NXPE2: variants seen among roughly 807,000 people sequenced by gnomAD.
The protein encoded by NXPE2 is neurexophilin and PC-esterase domain family member 2, also known as NXPE family member 2.
NXPE2 carries 34 observed loss-of-function variants against 34.4 expected under a neutral mutation model. That is an observed-to-expected ratio of 0.99 (90% CI 0.75 to 1.31). The LOEUF (loss-of-function observed/expected upper bound fraction) is 1.31, where lower values mean the gene tolerates loss of function less well. NXPE2 is among the 40% of genes most tolerant of loss of function. The pLI is 0.00. For synonymous variants in NXPE2, 235 were observed against 231.3 expected, an observed-to-expected ratio of 1.02 and a Z score of -0.15; for missense variants, 649 against 672.5, an observed-to-expected ratio of 0.97 and a Z score of 0.39.
chr11:114,682,935 C>T (rs1950974244), intron 2 of NXPE2, among the ~76,000 whole-genome samples: 1 of 151,096 alleles, frequency 6.6e-6, no homozygotes, highest in African/African-American at 2.4e-5. Context: ...AAAACCAAAA[C>T]CCGTGAGATG....
the NXPE2 span, among the ~76,000 whole-genome samples, chr11:114,633,220 A>G: frequency 1.5e-5 from 2 of 132,586 alleles, no homozygotes; most frequent in Admixed American, 1.6e-4. Flanking sequence ...ATTACATTAT[A>G]TATATAAATA....
At chr11:114,475,464 G>A in the NXPE2 span, among the ~76,000 whole-genome samples, 19,990 of 151,722 alleles carry the variant, frequency 0.13, 1,856 homozygotes, top group African/African-American at 0.25. Flanking sequence ...GGCTGGTCTC[G>A]AACTCCTGAC....
chr11:114,555,661 G>A, the NXPE2 span, among the ~76,000 whole-genome samples: 4 of 152,146 alleles, frequency 2.6e-5, no homozygotes, highest in African/African-American at 9.7e-5. Flanking sequence ...TCCTCCTCCT[G>A]TGCATGCCCC....
At chr11:114,803,081 C>G in the NXPE2 span, among the ~76,000 whole-genome samples, 1 of 152,212 alleles carries the variant, frequency 6.6e-6, no homozygotes, top group Non-Finnish European at 1.5e-5. Flanking sequence ...ACTCAGCGCT[C>G]TCCTGCCTGC....
the NXPE2 span, among the ~76,000 whole-genome samples, chr11:114,553,076 A>G: frequency 6.6e-6 from 1 of 152,048 alleles, no homozygotes; most frequent in African/African-American, 2.4e-5. Context: ...CTCAATCTCC[A>G]CCATGCTTCC....
chr11:114,547,407 A>G, the NXPE2 span, among the ~76,000 whole-genome samples: 1 of 152,256 alleles, frequency 6.6e-6, no homozygotes, highest in African/African-American at 2.4e-5. Context: ...CAATGTCATC[A>G]AAAACAAGGA....
the NXPE2 span, among the ~76,000 whole-genome samples, chr11:114,471,896 A>AC: frequency 1.3e-5 from 2 of 151,818 alleles, no homozygotes; most frequent in East Asian, 3.9e-4. Flanking sequence ...CAAGCAACCA[A>AC]CCCCCCTAAA....
chr11:114,679,688 C>T lies in NXPE2; in HGVS notation c.58C>T (p.Arg20Ter), dbSNP rs998196966. The change falls in exon 2 of 6, where the codon CGA becomes TGA. Residue 20 changes from arginine to a stop codon, truncating the protein, a stop_gained. Transcript: ENST00000389586. LOFTEE classifies it high-confidence loss of function. ...CACTTTGTTTCCAAATGCCATAGCT[C>T]GAAAATTACTGCTGATGTTGACATT... ...ILTLFPNAIA[R>*]KLLLMLTFIL... 51 of 1,549,522 alleles carry T rather than the reference C, an allele frequency of 3.3e-5. No homozygotes were observed. The highest frequency in any genetic ancestry group is 5.5e-5 in the African/African-American group (4 of 72,904).
the NXPE2 span, among the ~76,000 whole-genome samples, chr11:114,526,952 C>T: frequency 1.5e-3 from 235 of 152,324 alleles, 1 homozygote; most frequent in Middle Eastern, 3.4e-3. Context: ...TCTGACTACA[C>T]GTATCCTTCA....
At chr11:114,594,540 G>T in the NXPE2 span, 1 of 672,762 alleles carries the variant, frequency 1.5e-6, no homozygotes, top group Non-Finnish European at 2.6e-6. Context: ...ATGTTGTTTG[G>T]TATCTAGCTA....
the NXPE2 span, among the ~76,000 whole-genome samples, chr11:114,550,259 C>T: frequency 2.0e-5 from 3 of 151,994 alleles, no homozygotes; most frequent in Non-Finnish European, 4.4e-5. Context: ...AGTTACAAAA[C>T]GTATGGGGAA....
At chr11:114,522,082 G>T in the NXPE2 span, 1 of 1,613,944 alleles carries the variant, frequency 6.2e-7, no homozygotes, top group Non-Finnish European at 8.5e-7. Flanking sequence ...TGATGCCCAC[G>T]TTGAGGTCTT....
the NXPE2 span, among the ~76,000 whole-genome samples, chr11:114,731,846 T>A: frequency 2.0e-5 from 3 of 152,184 alleles, no homozygotes; most frequent in South Asian, 6.2e-4. Flanking sequence ...GTTGTAAAAG[T>A]GTAGTATACT....
chr11:114,660,413 T>C, the NXPE2 span, among the ~76,000 whole-genome samples: 1 of 152,038 alleles, frequency 6.6e-6, no homozygotes, highest in East Asian at 1.9e-4. Context: ...TAATATATCC[T>C]GACAAAGTGA....
At chr11:114,589,903 C>G in the NXPE2 span, among the ~76,000 whole-genome samples, 1 of 152,158 alleles carries the variant, frequency 6.6e-6, no homozygotes, top group African/African-American at 2.4e-5. Flanking sequence ...AGTCTCAATC[C>G]ATCTGGTAGT....
the NXPE2 span, chr11:114,522,787 A>G: frequency 1.1e-6 from 1 of 924,306 alleles, no homozygotes; most frequent in Non-Finnish European, 1.7e-6. Context: ...TGAAGTAAAA[A>G]ACAAAATAGC....
At chr11:114,478,454 G>A in the NXPE2 span, among the ~76,000 whole-genome samples, 1 of 152,142 alleles carries the variant, frequency 6.6e-6, no homozygotes, top group African/African-American at 2.4e-5. Context: ...AATGCTCCAG[G>A]ATAAGGGAGA....
the NXPE2 span, among the ~76,000 whole-genome samples, chr11:114,537,650 G>T: frequency 6.6e-6 from 1 of 152,098 alleles, no homozygotes. Context: ...GACAAACAGA[G>T]AGCCAAATCA....
chr11:114,632,555 T>C, the NXPE2 span, among the ~76,000 whole-genome samples: 1 of 117,642 alleles, frequency 8.5e-6, no homozygotes, highest in Non-Finnish European at 1.6e-5. Context: ...TGTATATATT[T>C]GTTATATATT....
Sources: allele counts gnomAD v4.1 joint callset (sites outside exome capture counted in the v4.1 genomes callset), GRCh38; gene constraint gnomAD v4.1.1; transcripts MANE v1.5; gene names NCBI Gene and HGNC (gene_info 2026-07-23, HGNC 2026-07-21).